Variants in LMNA observed in about 807,000 individuals in gnomAD.
The protein encoded by LMNA is lamin.
LMNA carries 20 observed loss-of-function variants against 70.4 expected under a neutral mutation model. The observed-to-expected ratio is 0.28, with a 90% CI of 0.20 to 0.41. LMNA has a LOEUF of 0.41. Ranked by LOEUF, LMNA falls within the 10% of genes least tolerant of loss-of-function variation. LMNA has a pLI of 1.00. For synonymous variants in LMNA, 339 were observed against 372.8 expected, an observed-to-expected ratio of 0.91 and a Z score of 1.04; for missense variants, 652 against 917.2, an observed-to-expected ratio of 0.71 and a Z score of 3.73.
intron 3 of LMNA, among the ~76,000 whole-genome samples, chr1:156,097,447 T>G (rs893306498): frequency 7.9e-5 from 12 of 152,238 alleles, no homozygotes; most frequent in African/African-American, 2.4e-4. Flanking sequence ...GCAGGCGCTT[T>G]GCTCCACGCC....
At chr1:156,110,483 G>T (rs1215818922), upstream of LMNA, among the ~76,000 whole-genome samples, 5 of 152,282 alleles carry the variant, frequency 3.3e-5, no homozygotes, top group African/African-American at 1.2e-4. Context: ...TGAAACTAAC[G>T]CTGGAAAAAC....
intron 3 of LMNA, among the ~76,000 whole-genome samples, chr1:156,094,273 C>T (rs573403369): frequency 6.6e-6 from 1 of 152,300 alleles, no homozygotes; most frequent in South Asian, 2.1e-4. Context: ...TTCCCTCTGC[C>T]TCGAACCCTC....
rs1008854068 is a variant in LMNA at position 156,122,418 on chromosome 1, A to T, written c.356+7144A>T. On this transcript the variant is annotated intron_variant, in intron 1 of 11. Transcript: ENST00000368300. ...TTAATAGTAAAATCAAATATAAATA[A>T]TGTGAATATAGTTAATAGCTAATGT... Among the ~76,000 whole-genome samples the T allele has an allele frequency of 2.0e-5, 3 of 152,214 alleles. No homozygotes were observed. The East Asian group carries it at 5.8e-4, about 29-fold the overall frequency.
intron 1 of LMNA, among the ~76,000 whole-genome samples, chr1:156,117,290 A>G (rs936458803): frequency 1.5e-4 from 23 of 151,170 alleles, no homozygotes; most frequent in Non-Finnish European, 2.4e-4. Flanking sequence ...GCTGGAGTAC[A>G]GTAGTGTGAC....
chr1:156,096,070 C>G (rs1342224197), intron 3 of LMNA, among the ~76,000 whole-genome samples: 1 of 152,198 alleles, frequency 6.6e-6, no homozygotes, highest in Non-Finnish European at 1.5e-5. Flanking sequence ...TGTTGCTTTG[C>G]TTTTGACCTC....
chr1:156,089,118 C>T (rs1345775440), intron 2 of LMNA, among the ~76,000 whole-genome samples: 2 of 152,090 alleles, frequency 1.3e-5, no homozygotes, highest in Non-Finnish European at 2.9e-5. Flanking sequence ...GTTTGGTCTA[C>T]AGGCATGCGC....
intron 1 of LMNA, among the ~76,000 whole-genome samples, chr1:156,128,331 A>G (rs982805074): frequency 2.0e-5 from 3 of 152,208 alleles, no homozygotes; most frequent in Non-Finnish European, 4.4e-5. Context: ...CTCGCAGAGC[A>G]CAGGGATCAT....
At chr1:156,127,004 AG>A in intron 1 of LMNA, 1 of 1,335,776 alleles carries the variant, frequency 7.5e-7, no homozygotes, top group Non-Finnish European at 1.0e-6. Context: ...CACCCTTCCC[AG>A]CTCCTCTGGC....
intron 2 of LMNA, among the ~76,000 whole-genome samples, chr1:156,088,972 T>C (rs1243200910): frequency 6.6e-6 from 1 of 152,166 alleles, no homozygotes; most frequent in African/African-American, 2.4e-5. Context: ...TATTGATTAA[T>C]TTATTTGTTT....
At chr1:156,092,081 C>T (rs1648725729) in intron 3 of LMNA, among the ~76,000 whole-genome samples, 1 of 151,890 alleles carries the variant, frequency 6.6e-6, no homozygotes, top group South Asian at 2.1e-4. Context: ...CCACACCGGG[C>T]AAATTTTTGT....
intron 1 of LMNA, among the ~76,000 whole-genome samples, chr1:156,122,693 T>C (rs891052308): frequency 7.9e-5 from 12 of 151,752 alleles, no homozygotes; most frequent in Non-Finnish European, 1.2e-4. Flanking sequence ...TTGACCCGGG[T>C]TGGGGGCTAG....
Position 156,134,753 on chromosome 1 carries a change from C to T in LMNA, c.640-52C>T, listed in dbSNP as rs41314033. 1.0e-3 allele frequency: 1,639 copies of T among 1,612,880 alleles called. 3 individuals are homozygous for T. The highest frequency in any genetic ancestry group is 1.1e-3 in the Non-Finnish European group (1,316 of 1,179,132). On this transcript the variant is annotated intron_variant, in intron 3 of 11. Transcript: ENST00000368300. This position sits in a 1 kb window ranked among gnomAD's most constrained non-coding sequence, Gnocchi z 5.3. ...AGCCCCGCCCCTGGGTCTTGGCCTCCCAGGAACTAATTCTGATTTTGGTTT... is the reference window on the plus strand; with the variant it reads ...AGCCCCGCCCCTGGGTCTTGGCCTCTCAGGAACTAATTCTGATTTTGGTTT...
intron 3 of LMNA, among the ~76,000 whole-genome samples, chr1:156,105,146 T>C (rs964822440): frequency 6.6e-6 from 1 of 152,154 alleles, no homozygotes; most frequent in Non-Finnish European, 1.5e-5. Context: ...TGGCATGCTG[T>C]GCAAGCTTGG....
chr1:156,105,167 G>T (rs923117202), intron 3 of LMNA, among the ~76,000 whole-genome samples: 1 of 152,226 alleles, frequency 6.6e-6, no homozygotes, highest in Non-Finnish European at 1.5e-5. Flanking sequence ...AGCTCACCCG[G>T]CAAAGAGGGC....
At position 156,137,779 on chromosome 1, in the gene LMNA, T is replaced by TG. The variant is rs1651802282; in HGVS notation, c.1698+40dup. On this transcript the variant is annotated intron_variant, in intron 10 of 11. Transcript: ENST00000368300. The surrounding 1 kb of genome is among the most constrained non-coding windows in gnomAD (Gnocchi z 4.6). Reference sequence around the variant, plus strand: ...GCCGCCGCTGAGGCCGAGCCTGCACTGGGGCCACCCAGCCAGGCCTGGGGG... The same window carrying TG: ...GCCGCCGCTGAGGCCGAGCCTGCACTGGGGGCCACCCAGCCAGGCCTGGGGG... The TG allele has an allele frequency of 6.5e-7, 1 of 1,548,392 alleles. No individual in the cohort carries two copies. Among genetic ancestry groups the TG allele is most frequent in the Non-Finnish European group, 8.7e-7 (1 of 1,146,936 alleles).
chr1:156,086,393 A>ACTCTCTCTCTCTCTCTCTCTCTCTCTCT (rs55740793), intron 2 of LMNA, among the ~76,000 whole-genome samples: 21 of 146,404 alleles, frequency 1.4e-4, no homozygotes, highest in African/African-American at 3.3e-4. Flanking sequence ...GTGACCTCTG[A>ACTCTCTCTCTCTCTCTCTCTCTCTCTCT]CTCTCTCTCT....
rs1572332164 is a variant in LMNA at position 156,115,039 on chromosome 1, C to A, written c.121C>A (p.Arg41Ser). Residue 41 changes from arginine to serine, a missense_variant, in exon 1 of 12, where the codon CGC (arginine) becomes AGC (serine). By Grantham distance (110) the Arg-to-Ser change is moderately radical. This residue lies in a region of LMNA where 254 missense variants were observed against 421.9 expected (regional missense o/e 0.60). Transcript: ENST00000368300. This position sits in a 1 kb window ranked among gnomAD's most constrained non-coding sequence, Gnocchi z 5.8. ...GGAGGACCTGCAGGAGCTCAATGAT[C>A]GCTTGGCGGTCTACATCGACCGTGT... Reference protein sequence around the residue: ...EKEDLQELNDRLAVYIDRVRS... With the variant: ...EKEDLQELNDSLAVYIDRVRS... 1 of 1,598,088 alleles carries A rather than the reference C, an allele frequency of 6.3e-7. No individual in the cohort carries two copies. Among genetic ancestry groups the A allele is most frequent in the Non-Finnish European group, 8.5e-7 (1 of 1,172,440 alleles).
intron 2 of LMNA, among the ~76,000 whole-genome samples, chr1:156,133,386 C>A (rs1651251701): frequency 6.6e-6 from 1 of 151,846 alleles, no homozygotes; most frequent in Non-Finnish European, 1.5e-5. Context: ...TCCTGGCCAA[C>A]ATGGTGAAAC....
chr1:156,098,914 C>G (rs984233042), intron 3 of LMNA, among the ~76,000 whole-genome samples: 4 of 152,194 alleles, frequency 2.6e-5, no homozygotes, highest in African/African-American at 9.6e-5. Context: ...GGGTGGGCAG[C>G]AGGTTCCTGT....
Sources: gnomAD v4.1 joint callset for allele counts (sites outside exome capture counted in the v4.1 genomes callset) on GRCh38, gnomAD v4.1.1 for gene constraint, gnomAD v4.1.1 regional missense constraint, Gnocchi (gnomAD v3.1) non-coding constraint, MANE v1.5 for transcripts, NCBI Gene and HGNC (gene_info 2026-07-23, HGNC 2026-07-21) for gene names.